CLCA4: variants seen among roughly 807,000 people sequenced by gnomAD.
CLCA4 encodes chloride channel accessory 4, also known as calcium-activated chloride channel regulator 4.
A neutral mutation model predicts 78.9 loss-of-function variants in CLCA4; 69 were observed. The ratio of observed to expected loss-of-function variants is 0.87; its 90% CI spans 0.72 to 1.07. The LOEUF (loss-of-function observed/expected upper bound fraction) is 1.07, where lower values mean the gene tolerates loss of function less well. Among genes scored for constraint, CLCA4 ranks in the 50% least tolerant of loss-of-function variants. The pLI, the probability that CLCA4 is intolerant of heterozygous loss-of-function variation, is 0.00. For synonymous variants in CLCA4, 362 were observed against 375.8 expected, an observed-to-expected ratio of 0.96 and a Z score of 0.42; for missense variants, 1,133 against 1,095.8, an observed-to-expected ratio of 1.03 and a Z score of -0.48.
intron 8 of CLCA4, 138 bp downstream of exon 8, chr1:86,571,392 A>C: frequency 1.4e-6 from 1 of 698,466 alleles, no homozygotes. Flanking sequence ...TTCTCGTGGC[A>C]CTTGGAGTCC....
chr1:86,579,921 C>A, intron 13 of CLCA4, 21 bp from the exon 14 acceptor site: 1 of 1,477,102 alleles, frequency 6.8e-7, no homozygotes, highest in Non-Finnish European at 9.2e-7. Flanking sequence ...CTCTAAACTA[C>A]ATGTAACTTT....
chr1:86,548,748 AAGTTAAT>A (rs1479639125), intron 1 of CLCA4, among the ~76,000 whole-genome samples: 5 of 151,978 alleles, frequency 3.3e-5, no homozygotes, highest in Admixed American at 3.3e-4. Flanking sequence ...GAAGAAAACA[AAGTTAAT>A]AGTTAATAAT....
At chr1:86,553,796 C>T (rs1269961862) in intron 1 of CLCA4, among the ~76,000 whole-genome samples, 1 of 151,988 alleles carries the variant, frequency 6.6e-6, no homozygotes, top group Admixed American at 6.6e-5. Flanking sequence ...ATTAGCTGGG[C>T]CCAGTGGCAG....
chr1:86,552,434 C>T (rs188462097), intron 1 of CLCA4, among the ~76,000 whole-genome samples: 21 of 152,310 alleles, frequency 1.4e-4, no homozygotes, highest in Admixed American at 1.2e-3. Flanking sequence ...CCCTCCACAG[C>T]GGGGAAAGTG....
chr1:86,567,371 T>C (rs1021093375), intron 6 of CLCA4, 53 bp from the exon 7 acceptor site: 8 of 1,406,606 alleles, frequency 5.7e-6, no homozygotes, highest in Non-Finnish European at 7.8e-6. Flanking sequence ...TGTGATCTTC[T>C]ATTATTTTCC....
Position 86,579,908 on chromosome 1 carries a change from A to T in CLCA4, c.2357-34A>T. The T allele has an allele frequency of 2.2e-6, 3 of 1,336,780 alleles. No homozygotes were observed. In the South Asian group the frequency reaches 4.1e-5, roughly 18 times the overall value. 82.8% of individuals were successfully genotyped at this position (1,336,780 alleles called of 1,614,324 possible). A position where few individuals can be genotyped will look rare whatever the true frequency, so the allele number is the denominator to read the frequency against. ...AAAAGGAATGAATATGCTATGCTGCAGTCTCTAAACTACATGTAACTTTTT... is the reference window on the plus strand; with the variant it reads ...AAAAGGAATGAATATGCTATGCTGCTGTCTCTAAACTACATGTAACTTTTT... On this transcript the variant is annotated intron_variant, in intron 13 of 13. Coordinates refer to ENST00000370563, the MANE Select transcript of CLCA4 (RefSeq NM_012128.4).
chr1:86,567,107 A>G (rs1650217991), intron 6 of CLCA4, among the ~76,000 whole-genome samples: 1 of 151,942 alleles, frequency 6.6e-6, no homozygotes, highest in Admixed American at 6.6e-5. Context: ...AAGAGTAATT[A>G]GACAGTCTCT....
intron 7 of CLCA4, among the ~76,000 whole-genome samples, chr1:86,570,098 C>G (rs1157087325): frequency 1.3e-5 from 2 of 151,990 alleles, no homozygotes; most frequent in African/African-American, 4.8e-5. Context: ...ATTAGTCACT[C>G]TTTGCTTCAA....
rs751948741 is a variant in CLCA4 at position 86,560,077 on chromosome 1, G to A, written c.300+5G>A. 4 of 1,577,860 alleles carry A rather than the reference G, an allele frequency of 2.5e-6. No homozygotes were observed. In the South Asian group the frequency reaches 3.6e-5, roughly 14 times the overall value. ...AAACATGAAAACCATAAACATGTAAGTGTCGAAATATTCTCTTAAAAAATT... is the reference window on the plus strand; with the variant it reads ...AAACATGAAAACCATAAACATGTAAATGTCGAAATATTCTCTTAAAAAATT... On this transcript the variant is annotated splice_donor_5th_base_variant and intron_variant, in intron 2 of 13. Transcript: ENST00000370563.
At chr1:86,572,947 C>A in intron 9 of CLCA4, 1 of 502,562 alleles carries the variant, frequency 2.0e-6, no homozygotes, top group Non-Finnish European at 3.6e-6. Flanking sequence ...TTCCTATTGC[C>A]ATGGGTTTGG....
chr1:86,554,315 G>T (rs1649764415), intron 1 of CLCA4, among the ~76,000 whole-genome samples: 1 of 152,178 alleles, frequency 6.6e-6, no homozygotes, highest in South Asian at 2.1e-4. Context: ...TCCCGCAAAA[G>T]ACATGATCTC....
At chr1:86,547,338 G>A in intron 1 of CLCA4, 60 bp downstream of exon 1, 2 of 1,281,876 alleles carry the variant, frequency 1.6e-6, no homozygotes, top group South Asian at 1.6e-5. Flanking sequence ...ATTTTTAATT[G>A]ACATATAATT....
chr1:86,560,417 A>G, intron 3 of CLCA4, 59 bp downstream of exon 3: 1 of 1,567,448 alleles, frequency 6.4e-7, no homozygotes, highest in Non-Finnish European at 8.7e-7. Flanking sequence ...CTTTTTATGC[A>G]GGTTAAGTGT....
At chr1:86,559,432 A>G (rs1649948279) in intron 1 of CLCA4, among the ~76,000 whole-genome samples, 1 of 152,100 alleles carries the variant, frequency 6.6e-6, no homozygotes, top group South Asian at 2.1e-4. Context: ...TTCTACGAAG[A>G]TTTCTTATAA....
At chr1:86,570,849 C>T (rs942812856) in intron 7 of CLCA4, among the ~76,000 whole-genome samples, 1 of 151,980 alleles carries the variant, frequency 6.6e-6, no homozygotes, top group Non-Finnish European at 1.5e-5. Context: ...AAGCCTGGTC[C>T]CACCGAATTC....
chr1:86,570,674 C>A (rs1650324459), intron 7 of CLCA4, among the ~76,000 whole-genome samples: 1 of 151,934 alleles, frequency 6.6e-6, no homozygotes, highest in Admixed American at 6.6e-5. Context: ...GCTTTAAATG[C>A]AAGAGACTTT....
intron 11 of CLCA4, among the ~76,000 whole-genome samples, chr1:86,576,956 G>A (rs530634420): frequency 2.2e-4 from 34 of 152,066 alleles, no homozygotes; most frequent in African/African-American, 6.7e-4. Flanking sequence ...ATAGGCACCC[G>A]AATTAACAAA....
intron 3 of CLCA4, among the ~76,000 whole-genome samples, chr1:86,561,861 G>A (rs1650031537): frequency 6.6e-6 from 1 of 152,116 alleles, no homozygotes; most frequent in Non-Finnish European, 1.5e-5. Flanking sequence ...TTTCACAAAT[G>A]CATAATGTGA....
At chr1:86,547,926 G>A (rs1471182863) in intron 1 of CLCA4, among the ~76,000 whole-genome samples, 1 of 152,142 alleles carries the variant, frequency 6.6e-6, no homozygotes, top group Non-Finnish European at 1.5e-5. Flanking sequence ...AATAAACATG[G>A]AAGTGCAGAC....
Sources: allele counts gnomAD v4.1 joint callset (sites outside exome capture counted in the v4.1 genomes callset), GRCh38; gene constraint gnomAD v4.1.1; transcripts MANE v1.5; gene names NCBI Gene and HGNC (gene_info 2026-07-23, HGNC 2026-07-21).